ADGB: variants seen among roughly 807,000 people sequenced by gnomAD.
The protein encoded by ADGB is androglobin, also known as calpain-7-like protein.
A neutral mutation model predicts 210.5 loss-of-function variants in ADGB; 172 were observed. The ratio of observed to expected loss-of-function variants is 0.82; its 90% CI spans 0.72 to 0.93. The LOEUF (loss-of-function observed/expected upper bound fraction) is 0.93, where lower values mean the gene tolerates loss of function less well. Among genes scored for constraint, ADGB ranks in the 40% least tolerant of loss-of-function variants. The pLI, the probability that ADGB is intolerant of heterozygous loss-of-function variation, is 0.00. For missense variants in ADGB, 2,025 were observed against 1,964.8 expected (o/e 1.03, Z -0.58); for synonymous variants, 658 against 662.7 (o/e 0.99, Z 0.11).
At position 146,733,167 on chromosome 6, in the gene ADGB, A is replaced by G. The variant is rs1182855091; in HGVS notation, c.2568A>G (p.Thr856=). The change falls in exon 21 of 36, where the codon ACA becomes ACG. Residue 856 remains threonine (T), a synonymous_variant. Coordinates refer to ENST00000397944, the MANE Select transcript of ADGB (RefSeq NM_024694.4). The part of the protein sequence containing the change: ...LWRLMKKVQI[T]KPPPNFKFAF... ...GTTTAATGAAAAAAGTTCAAATAAC[A>G]AAACCTCCTCCAAACTTCAAATTTG... 4 of 1,539,806 alleles carry G rather than the reference A, an allele frequency of 2.6e-6. No homozygotes were observed. The highest frequency in any genetic ancestry group is 1.4e-5 in the African/African-American group (1 of 72,732).
intron 35 of ADGB, among the ~76,000 whole-genome samples, chr6:146,813,480 G>A (rs2114679103): frequency 6.6e-6 from 1 of 152,138 alleles, no homozygotes; most frequent in Middle Eastern, 3.4e-3. Context: ...CTTTGTATGT[G>A]TATTTATTGG....
At chr6:146,623,319 G>T (rs1298736218) in intron 1 of ADGB, among the ~76,000 whole-genome samples, 4 of 151,710 alleles carry the variant, frequency 2.6e-5, no homozygotes, top group African/African-American at 7.3e-5. Context: ...TATGTATATG[G>T]TCTATCTATT....
intron 35 of ADGB, among the ~76,000 whole-genome samples, chr6:146,813,349 C>T (rs1360132951): frequency 2.0e-5 from 3 of 152,036 alleles, no homozygotes; most frequent in Admixed American, 6.6e-5. Context: ...TATTAGGGTC[C>T]GTTGGTGGTT....
intron 14 of ADGB, among the ~76,000 whole-genome samples, chr6:146,716,623 A>G (rs1776739490): frequency 6.7e-6 from 1 of 148,646 alleles, no homozygotes; most frequent in Admixed American, 6.7e-5. Context: ...AAAAAAAAAA[A>G]AAGAATCTGT....
Position 146,654,137 on chromosome 6 carries a change from T to C in ADGB, c.333T>C (p.Thr111=). The stretch of plus-strand genomic sequence containing the variant: ...ATATACATATATATTTTTTTCAGAC[T>C]CCAGTAGTTGTGAAAAATGAAATCA... The part of the protein sequence containing the change: ...KRPQDILFSQ[T]PVVVKNEITF... Residue 111 remains threonine (T), a splice_region_variant and synonymous_variant, in exon 4 of 36, where the codon ACT becomes ACC. Coordinates refer to ENST00000397944, the MANE Select transcript of ADGB (RefSeq NM_024694.4). 1 of 1,525,768 alleles carries C rather than the reference T, an allele frequency of 6.6e-7. No homozygotes were observed. Among genetic ancestry groups the C allele is most frequent in the Non-Finnish European group, 8.9e-7 (1 of 1,125,822 alleles). 94.5% of individuals were successfully genotyped at this position (1,525,768 alleles called of 1,614,324 possible).
chr6:146,700,600 T>A (rs1445713148), intron 12 of ADGB, among the ~76,000 whole-genome samples: 1 of 152,144 alleles, frequency 6.6e-6, no homozygotes, highest in East Asian at 1.9e-4. Context: ...GACTCCTAGT[T>A]CTGTTTCACT....
At chr6:146,663,330 G>A (rs1775892797) in intron 5 of ADGB, among the ~76,000 whole-genome samples, 1 of 151,298 alleles carries the variant, frequency 6.6e-6, no homozygotes. Flanking sequence ...TATTTCTGGA[G>A]GCTGGGAAGT....
intron 12 of ADGB, among the ~76,000 whole-genome samples, chr6:146,697,249 T>C (rs1032534125): frequency 1.3e-5 from 2 of 152,182 alleles, no homozygotes; most frequent in African/African-American, 4.8e-5. Context: ...CAAATAGCAA[T>C]AACTGGTGTA....
chr6:146,648,608 G>C (rs73571846), intron 3 of ADGB, among the ~76,000 whole-genome samples: 1 of 151,968 alleles, frequency 6.6e-6, no homozygotes, highest in African/African-American at 2.4e-5. Flanking sequence ...ACTCACTCAC[G>C]ATGATGAGAA....
At chr6:146,767,312 T>A (rs1170126867) in intron 28 of ADGB, among the ~76,000 whole-genome samples, 1 of 152,180 alleles carries the variant, frequency 6.6e-6, no homozygotes, top group Non-Finnish European at 1.5e-5. Context: ...TATAATCATA[T>A]GCCCAAGAAA....
At chr6:146,628,594 A>G (rs1781014314) in intron 1 of ADGB, among the ~76,000 whole-genome samples, 1 of 151,816 alleles carries the variant, frequency 6.6e-6, no homozygotes, top group African/African-American at 2.4e-5. Context: ...ATAAGCTTGC[A>G]TAGTACTGAA....
At chr6:146,714,963 T>C (rs1309013659) in intron 13 of ADGB, among the ~76,000 whole-genome samples, 1 of 152,194 alleles carries the variant, frequency 6.6e-6, no homozygotes, top group Non-Finnish European at 1.5e-5. Flanking sequence ...CTTGTTAAAA[T>C]TTTCAGGAGC....
chr6:146,664,124 C>G, intron 5 of ADGB, 77 bp from the exon 6 acceptor site: 1 of 1,356,330 alleles, frequency 7.4e-7, no homozygotes, highest in Non-Finnish European at 9.8e-7. Context: ...ATAGTAATGT[C>G]AGCCACGTGC....
At chr6:146,622,938 A>C (rs1014069455) in intron 1 of ADGB, among the ~76,000 whole-genome samples, 1 of 151,990 alleles carries the variant, frequency 6.6e-6, no homozygotes, top group African/African-American at 2.4e-5. Flanking sequence ...TCAATGTTTT[A>C]GCACCATTTG....
At chr6:146,801,659 G>C (rs548559462) in intron 34 of ADGB, among the ~76,000 whole-genome samples, 169 bp from the exon 35 acceptor site, 30 of 152,216 alleles carry the variant, frequency 2.0e-4, no homozygotes, top group Non-Finnish European at 4.0e-4. Context: ...TCAATAAATG[G>C]AGCATAGCAT....
chr6:146,725,241 C>T (rs1160060976), intron 18 of ADGB: 2 of 152,210 alleles, frequency 1.3e-5, no homozygotes, highest in African/African-American at 4.8e-5. Flanking sequence ...CCGCTTTTCC[C>T]CCCACAGAAC....
intron 7 of ADGB, among the ~76,000 whole-genome samples, chr6:146,668,042 G>A (rs1207982441): frequency 6.6e-6 from 1 of 151,990 alleles, no homozygotes; most frequent in Non-Finnish European, 1.5e-5. Flanking sequence ...GTAAAGAATA[G>A]AATAGAGACA....
chr6:146,812,262 C>A (rs1297355804), intron 35 of ADGB, among the ~76,000 whole-genome samples: 3 of 152,218 alleles, frequency 2.0e-5, no homozygotes, highest in Non-Finnish European at 2.9e-5. Context: ...TAAAGGAACT[C>A]TCCCAGCTTT....
In ADGB at chr6:146,746,128, AG is replaced by A; in HGVS notation, c.3365+23del. The A allele has an allele frequency of 2.1e-6, 3 of 1,450,014 alleles. No homozygotes were observed. Among genetic ancestry groups the A allele is most frequent in the Non-Finnish European group, 2.8e-6 (3 of 1,078,550 alleles). The allele number at this position is 1,450,014 out of a possible 1,614,324, so 89.8% of individuals were successfully genotyped here. ...TATTCAGGTACAAGTAAATGACAGA[AG>A]GGGAAAGGCATTTTTTAAAAAATAT... On this transcript the variant is annotated intron_variant, in intron 26 of 35. Coordinates refer to ENST00000397944, the MANE Select transcript of ADGB (RefSeq NM_024694.4).
Sources: gnomAD v4.1 joint callset for allele counts (sites outside exome capture counted in the v4.1 genomes callset) on GRCh38, gnomAD v4.1.1 for gene constraint, MANE v1.5 for transcripts, NCBI Gene and HGNC (gene_info 2026-07-23, HGNC 2026-07-21) for gene names.